The following KIAA0825 variants were observed in gnomAD, a reference collection of about 807,000 sequenced individuals.
The protein encoded by KIAA0825 is KIAA0825, also known as uncharacterized protein KIAA0825.
Under a neutral mutation model 147.6 loss-of-function variants are expected in KIAA0825, and 119 were observed. That is an observed-to-expected ratio of 0.81 (90% CI 0.69 to 0.94). The LOEUF (loss-of-function observed/expected upper bound fraction) is 0.94, where lower values mean the gene tolerates loss of function less well. Ranked by LOEUF, KIAA0825 falls within the 40% of genes least tolerant of loss-of-function variation. The pLI is 0.00. For synonymous variants in KIAA0825, 470 were observed against 518.1 expected (o/e 0.91, Z 1.26); for missense variants, 1,381 against 1,472.7 (o/e 0.94, Z 1.02).
At chr5:94,386,555 A>G (rs1310848871) in intron 18 of KIAA0825, among the ~76,000 whole-genome samples, 151 bp from the exon 19 acceptor site, 1 of 151,542 alleles carries the variant, frequency 6.6e-6, no homozygotes, top group African/African-American at 2.5e-5. Flanking sequence ...TTCAGAAGAT[A>G]CATAGTAGAG....
At chr5:94,354,523 C>T (rs1784037434) in intron 20 of KIAA0825, among the ~76,000 whole-genome samples, 1 of 151,602 alleles carries the variant, frequency 6.6e-6, no homozygotes, top group Non-Finnish European at 1.5e-5. Flanking sequence ...TCTATTTAGT[C>T]TAAATATTTA....
At chr5:94,359,111 A>G (rs775061018) in intron 20 of KIAA0825, among the ~76,000 whole-genome samples, 155 of 152,336 alleles carry the variant, frequency 1.0e-3, no homozygotes, top group Non-Finnish European at 5.0e-4. Flanking sequence ...AAAGTGTTCA[A>G]TCATTTGAAC....
At chr5:94,322,362 A>G (rs1780271252) in intron 20 of KIAA0825, among the ~76,000 whole-genome samples, 1 of 152,024 alleles carries the variant, frequency 6.6e-6, no homozygotes, top group East Asian at 1.9e-4. Flanking sequence ...AATAAATAAT[A>G]GTTTGCAATA....
At chr5:94,359,895 G>A (rs1045382089) in intron 20 of KIAA0825, among the ~76,000 whole-genome samples, 5 of 152,190 alleles carry the variant, frequency 3.3e-5, no homozygotes, top group Admixed American at 2.6e-4. Context: ...TGTCACTTAA[G>A]CTACCACCAT....
intron 3 of KIAA0825, among the ~76,000 whole-genome samples, chr5:94,535,725 C>A (rs936129409): frequency 7.9e-5 from 12 of 152,128 alleles, no homozygotes; most frequent in African/African-American, 2.9e-4. Context: ...AAGAGCCTAA[C>A]TTCAGTGGTT....
At chr5:94,231,210 C>G (rs915286186) in intron 20 of KIAA0825, among the ~76,000 whole-genome samples, 5 of 152,146 alleles carry the variant, frequency 3.3e-5, no homozygotes, top group Middle Eastern at 3.4e-3. Context: ...AATCAGTGTT[C>G]TATGTGTCTC....
At chr5:94,601,994 C>T (rs187792367) in intron 1 of KIAA0825, among the ~76,000 whole-genome samples, 2 of 152,312 alleles carry the variant, frequency 1.3e-5, no homozygotes, top group African/African-American at 4.8e-5. Context: ...ATGAGAACTT[C>T]CACAACCTTG....
intron 8 of KIAA0825, 38 bp from the exon 9 acceptor site, chr5:94,471,769 T>A: frequency 1.3e-6 from 2 of 1,542,970 alleles, no homozygotes; most frequent in Non-Finnish European, 1.8e-6. Context: ...TTATTTGTAT[T>A]CTGACAGCAC....
At chr5:94,321,984 C>T (rs1780236518) in intron 20 of KIAA0825, among the ~76,000 whole-genome samples, 2 of 151,854 alleles carry the variant, frequency 1.3e-5, no homozygotes, top group South Asian at 4.1e-4. Flanking sequence ...TAAACATTAT[C>T]TTAAATTGGT....
chr5:94,438,595 C>T (rs1009730318), intron 14 of KIAA0825, among the ~76,000 whole-genome samples: 1 of 152,034 alleles, frequency 6.6e-6, no homozygotes, highest in Non-Finnish European at 1.5e-5. Context: ...GTTGTGATGA[C>T]CTTTGGCACC....
intron 5 of KIAA0825, among the ~76,000 whole-genome samples, chr5:94,500,660 C>T (rs144992388): frequency 2.6e-5 from 4 of 152,140 alleles, no homozygotes; most frequent in African/African-American, 7.2e-5. Context: ...ATCTCCAGGG[C>T]GAGATCAGTC....
intron 20 of KIAA0825, among the ~76,000 whole-genome samples, chr5:94,175,519 A>G (rs1327088786): frequency 1.3e-5 from 2 of 152,086 alleles, no homozygotes; most frequent in African/African-American, 4.8e-5. Flanking sequence ...CAGCACAACT[A>G]CTCAGTATCT....
intron 1 of KIAA0825, among the ~76,000 whole-genome samples, chr5:94,616,850 A>C (rs935069079): frequency 1.3e-5 from 2 of 152,222 alleles, no homozygotes; most frequent in African/African-American, 4.8e-5. Flanking sequence ...TGATTTCTAA[A>C]TGTGACATAC....
chr5:94,346,873 A>G (rs1454927140), intron 20 of KIAA0825, among the ~76,000 whole-genome samples: 1 of 152,158 alleles, frequency 6.6e-6, no homozygotes, highest in Non-Finnish European at 1.5e-5. Context: ...GGGACGAACC[A>G]AGCCCTTTTT....
Position 94,471,476 on chromosome 5 carries a change from T to C in KIAA0825, c.1711A>G (p.Met571Val). 1 of 1,551,942 alleles carries C rather than the reference T, an allele frequency of 6.4e-7. No homozygotes were observed. Among genetic ancestry groups the C allele is most frequent in the Non-Finnish European group, 8.7e-7 (1 of 1,146,980 alleles). Residue 571 changes from methionine to valine, a missense_variant, in exon 9 of 21, where the codon ATG becomes GTG. Coordinates refer to ENST00000682413, the MANE Select transcript of KIAA0825 (RefSeq NM_001145678.3). ...TTAAACAACACTCACTTTTTAGTCA[T>C]TTCCTTCATCAAATTATCATATCGC... ...FKRYDNLMKE[M>V]TKKPIFLVLV...
chr5:94,195,344 T>C (rs1003915275), intron 20 of KIAA0825, among the ~76,000 whole-genome samples: 1 of 152,176 alleles, frequency 6.6e-6, no homozygotes, highest in South Asian at 2.1e-4. Context: ...ATACCATCAA[T>C]ACAGAACACA....
At chr5:94,526,516 T>C (rs567342866) in intron 3 of KIAA0825, among the ~76,000 whole-genome samples, 2 of 152,174 alleles carry the variant, frequency 1.3e-5, no homozygotes, top group African/African-American at 4.8e-5. Flanking sequence ...TTAATTATAA[T>C]GACTCTGAAT....
chr5:94,482,535 A>T (rs1378797382), intron 6 of KIAA0825, among the ~76,000 whole-genome samples: 1 of 152,056 alleles, frequency 6.6e-6, no homozygotes, highest in African/African-American at 2.4e-5. Context: ...AACTATCAGG[A>T]ATACCCAATA....
chr5:94,523,378 A>G (rs1457336774), intron 4 of KIAA0825, among the ~76,000 whole-genome samples: 2 of 151,780 alleles, frequency 1.3e-5, no homozygotes, highest in Non-Finnish European at 1.5e-5. Context: ...TCTCTAGCAT[A>G]GATGGTGGTC....
Sources: gnomAD v4.1 joint callset for allele counts (sites outside exome capture counted in the v4.1 genomes callset) on GRCh38, gnomAD v4.1.1 for gene constraint, MANE v1.5 for transcripts, NCBI Gene and HGNC (gene_info 2026-07-23, HGNC 2026-07-21) for gene names.